ARHGAP24: variants seen among roughly 807,000 people sequenced by gnomAD.
ARHGAP24 encodes the protein rho GTPase-activating protein 24.
Under a neutral mutation model 76.4 loss-of-function variants are expected in ARHGAP24, and 50 were observed. That is an observed-to-expected ratio of 0.65 (90% confidence interval 0.52 to 0.83). The LOEUF (loss-of-function observed/expected upper bound fraction) is 0.83, where lower values mean the gene tolerates loss of function less well. ARHGAP24 is among the 40% of genes least tolerant of loss of function. The pLI is 0.00. For synonymous variants in ARHGAP24, 345 were observed against 323.3 expected (o/e 1.07, Z -0.72); for missense variants, 930 against 914.2 (o/e 1.02, Z -0.22).
chr4:85,903,961 T>C (rs1348683473), intron 3 of ARHGAP24, among the ~76,000 whole-genome samples: 1 of 152,204 alleles, frequency 6.6e-6, no homozygotes, highest in Non-Finnish European at 1.5e-5. Context: ...TGGGAAGTCC[T>C]GCAGAGGGGG....
At chr4:85,649,240 C>G (rs1007944416) in intron 2 of ARHGAP24, among the ~76,000 whole-genome samples, 1 of 152,040 alleles carries the variant, frequency 6.6e-6, no homozygotes, top group Non-Finnish European at 1.5e-5. Flanking sequence ...AGTTCAGTAG[C>G]GATTCTCTAT....
chr4:85,475,879 C>A (rs549180913), intron 1 of ARHGAP24, among the ~76,000 whole-genome samples: 1 of 151,854 alleles, frequency 6.6e-6, no homozygotes, highest in East Asian at 1.9e-4. Context: ...AATAAAAACC[C>A]TTTGTACAAT....
intron 3 of ARHGAP24, among the ~76,000 whole-genome samples, chr4:85,792,565 CA>C (rs757908893): frequency 4.6e-4 from 70 of 150,928 alleles, no homozygotes; most frequent in Non-Finnish European, 5.8e-4. Flanking sequence ...TCTGAACCCT[CA>C]AAAAAAAATG....
intron 1 of ARHGAP24, among the ~76,000 whole-genome samples, chr4:85,526,208 A>G (rs1050045780): frequency 2.0e-5 from 3 of 151,956 alleles, no homozygotes; most frequent in African/African-American, 7.2e-5. Context: ...CGAAGTGTTT[A>G]AGACTAGCCT....
At chr4:85,824,389 C>A (rs777584242) in intron 3 of ARHGAP24, among the ~76,000 whole-genome samples, 2 of 152,056 alleles carry the variant, frequency 1.3e-5, no homozygotes, top group Non-Finnish European at 2.9e-5. Flanking sequence ...TAGAAACAAC[C>A]CCATCCGACT....
chr4:85,994,682 T>A lies in ARHGAP24; in HGVS notation c.1028T>A (p.Val343Glu). ...AELQSKPQDGVSNNNEIQKKA... is the reference protein window; with the variant it reads ...AELQSKPQDGESNNNEIQKKA... Reference sequence around the variant, plus strand: ...CTACAAAGCAAGCCCCAAGATGGAGTGAGCAACAACAATGAAATTCAGAAG... The same window carrying A: ...CTACAAAGCAAGCCCCAAGATGGAGAGAGCAACAACAATGAAATTCAGAAG... The change falls in exon 9 of 10, where the codon GTG becomes GAG. Residue 343 changes from valine (V) to glutamate (E), a missense_variant. Physicochemically the swap from Val to Glu is moderately radical, Grantham distance 121 (BLOSUM62 -2). Transcript: ENST00000395184. The A allele has an allele frequency of 2.5e-6, 4 of 1,613,718 alleles. No individual in the cohort carries two copies. Among genetic ancestry groups the A allele is most frequent in the Non-Finnish European group, 2.5e-6 (3 of 1,179,936 alleles).
At chr4:85,703,839 T>A (rs1724195874) in intron 2 of ARHGAP24, among the ~76,000 whole-genome samples, 1 of 152,170 alleles carries the variant, frequency 6.6e-6, no homozygotes, top group South Asian at 2.1e-4. Flanking sequence ...TATTGAGGTA[T>A]AATTTACATA....
chr4:85,776,356 TC>T (rs1470159098), intron 3 of ARHGAP24, among the ~76,000 whole-genome samples: 1 of 152,062 alleles, frequency 6.6e-6, no homozygotes, highest in East Asian at 1.9e-4. Flanking sequence ...CAGTGAGTAT[TC>T]CCCACTAAAC....
At chr4:85,641,971 T>C (rs1263495277) in intron 2 of ARHGAP24, among the ~76,000 whole-genome samples, 3 of 152,134 alleles carry the variant, frequency 2.0e-5, no homozygotes, top group African/African-American at 7.2e-5. Context: ...CTAATACTAA[T>C]AGACTGACTG....
chr4:85,729,366 T>A (rs2110050404), intron 3 of ARHGAP24, among the ~76,000 whole-genome samples: 1 of 152,340 alleles, frequency 6.6e-6, no homozygotes, highest in South Asian at 2.1e-4. Context: ...AAAATTCCCT[T>A]CCTACTTAAA....
intron 3 of ARHGAP24, among the ~76,000 whole-genome samples, chr4:85,817,692 AAT>A (rs1239971957): frequency 6.6e-6 from 1 of 152,202 alleles, no homozygotes; most frequent in African/African-American, 2.4e-5. Flanking sequence ...CAGTGAAGGT[AAT>A]CCTTTCTATG....
chr4:85,766,761 T>C (rs1255443171), intron 3 of ARHGAP24, among the ~76,000 whole-genome samples: 3 of 152,178 alleles, frequency 2.0e-5, no homozygotes, highest in Admixed American at 2.0e-4. Flanking sequence ...GGTCATTTAC[T>C]AGCTCTAACT....
intron 3 of ARHGAP24, among the ~76,000 whole-genome samples, chr4:85,922,847 C>T (rs374098237): frequency 1.3e-5 from 2 of 152,316 alleles, no homozygotes; most frequent in East Asian, 1.9e-4. Context: ...AAATTACATG[C>T]TTTGGAAGTC....
Position 85,541,370 on chromosome 4 carries a change from G to T in ARHGAP24, c.-20-29152G>T, listed in dbSNP as rs1340799143. On this transcript the variant is annotated intron_variant, in intron 1 of 9. Coordinates refer to ENST00000395184, the MANE Select transcript of ARHGAP24 (RefSeq NM_001025616.3). ...GGGTTTCACCATTTTAGCCGGGATG[G>T]TCTTGATCTCCTGACCTCGTGATCC... Among the ~76,000 whole-genome samples the T allele has an allele frequency of 2.1e-4, 30 of 141,932 alleles. 3 individuals are homozygous for T. The highest frequency in any genetic ancestry group is 2.0e-3 in the Admixed American group (30 of 14,842). The allele number at this position is 141,932 out of a possible 152,430, so 93.1% of individuals were successfully genotyped here. A position where few individuals can be genotyped will look rare whatever the true frequency, so the allele number is the denominator to read the frequency against.
At chr4:85,510,498 C>T (rs920505512) in intron 1 of ARHGAP24, among the ~76,000 whole-genome samples, 2 of 150,524 alleles carry the variant, frequency 1.3e-5, no homozygotes, top group Non-Finnish European at 3.0e-5. Context: ...CTTTTTCCTT[C>T]TCTCCCTCCC....
intron 2 of ARHGAP24, among the ~76,000 whole-genome samples, chr4:85,616,268 A>G (rs1434956470): frequency 4.6e-5 from 7 of 152,206 alleles, no homozygotes; most frequent in Non-Finnish European, 7.3e-5. Flanking sequence ...GGAATTTCCA[A>G]TTAGTTGATA....
chr4:85,556,802 C>G (rs1726393410), intron 1 of ARHGAP24, among the ~76,000 whole-genome samples: 1 of 152,174 alleles, frequency 6.6e-6, no homozygotes. Context: ...GCAATAGGAG[C>G]AAGGGCTGCA....
intron 1 of ARHGAP24, among the ~76,000 whole-genome samples, chr4:85,534,635 G>A (rs1433679865): frequency 2.0e-5 from 3 of 152,170 alleles, no homozygotes; most frequent in Admixed American, 6.5e-5. Flanking sequence ...CAGCAGCTGA[G>A]TGAAATATGA....
rs75924520 is a variant in ARHGAP24, at chr4:85,926,735, T to C, written c.391+2965T>C. On this transcript the variant is annotated intron_variant, in intron 4 of 9. Transcript: ENST00000395184. ...TTAACTTTTCTGCCGATTTGCAATA[T>C]TTTAAAACCACTGTTTTAGTTCAAC... is the stretch of plus-strand genomic sequence containing the variant. Among the ~76,000 whole-genome samples the C allele has an allele frequency of 5.4e-3, 812 of 151,454 alleles. 4 individuals are homozygous for C. The highest frequency in any genetic ancestry group is 0.018 in the African/African-American group (731 of 41,258).
Sources: gnomAD v4.1 joint callset for allele counts (sites outside exome capture counted in the v4.1 genomes callset) on GRCh38, gnomAD v4.1.1 for gene constraint, MANE v1.5 for transcripts, NCBI Gene and HGNC (gene_info 2026-07-23, HGNC 2026-07-21) for gene names.